DNM3: variants seen among roughly 807,000 people sequenced by gnomAD.
DNM3 encodes the protein dynamin 3.
Under a neutral mutation model 101.6 loss-of-function variants are expected in DNM3, and 47 were observed. That is an observed-to-expected ratio of 0.46 (90% CI 0.37 to 0.59). The LOEUF is 0.59. DNM3 is among the 20% of genes least tolerant of loss of function. The probability of loss-of-function intolerance (pLI) is 0.00; values close to 1 mark genes in which losing one functional copy is unlikely to be tolerated. For synonymous variants in DNM3, 385 were observed against 387.9 expected (o/e 0.99, Z 0.09); for missense variants, 849 against 1,085.7 (o/e 0.78, Z 3.06).
At chr1:172,384,888 G>A (rs1336502053) in intron 18 of DNM3, among the ~76,000 whole-genome samples, 2 of 152,190 alleles carry the variant, frequency 1.3e-5, no homozygotes, top group East Asian at 3.9e-4. Context: ...ACCCAACAGT[G>A]GGAGATTTGT....
At chr1:171,878,994 T>A (rs2036024775) in intron 1 of DNM3, among the ~76,000 whole-genome samples, 1 of 152,228 alleles carries the variant, frequency 6.6e-6, no homozygotes, top group Non-Finnish European at 1.5e-5. Flanking sequence ...GAGTCCCCTA[T>A]GTTTTCTGTC....
At position 171,959,311 on chromosome 1, in the gene DNM3, T is replaced by C. The variant is rs185017102; in HGVS notation, c.236-28345T>C. Among the ~76,000 whole-genome samples, 625 of 152,188 alleles carry C rather than the reference T, an allele frequency of 4.1e-3. 5 individuals are homozygous for C. Among genetic ancestry groups the C allele is most frequent in the Non-Finnish European group, 5.7e-3 (390 of 68,010 alleles). ...GTAGTATTTTGTATTATTTGATATA[T>C]TAAAAAGATAATAAGGGAAAAACAG... On this transcript the variant is annotated intron_variant, in intron 2 of 20. Coordinates refer to ENST00000627582, the MANE Select transcript of DNM3 (RefSeq NM_015569.5).
chr1:172,199,032 G>C (rs2060056571), intron 14 of DNM3, among the ~76,000 whole-genome samples: 1 of 151,850 alleles, frequency 6.6e-6, no homozygotes, highest in Admixed American at 6.6e-5. Flanking sequence ...CCAACTTTTT[G>C]ATGTAGGCAT....
At chr1:172,222,718 C>T (rs892746772) in intron 14 of DNM3, among the ~76,000 whole-genome samples, 12 of 151,896 alleles carry the variant, frequency 7.9e-5, no homozygotes, top group Admixed American at 6.6e-4. Flanking sequence ...TTGACAATGG[C>T]GCCAAAGAAC....
rs563263844 is a variant in DNM3 at position 171,922,709 on chromosome 1, C to T, written c.235+888C>T. 2.0e-5 allele frequency among the ~76,000 whole-genome samples: 3 copies of T among 152,270 alleles called. No homozygotes were observed. In the South Asian group the frequency reaches 6.2e-4, roughly 32 times the overall value. ...GTCACCTCTTTTCATAACACCTTTC[C>T]CCACCACTCCAGCCTAGGCACTACT... On this transcript the variant is annotated intron_variant, in intron 2 of 20. Coordinates refer to ENST00000627582, the MANE Select transcript of DNM3 (RefSeq NM_015569.5).
chr1:172,250,461 A>G (rs760745622), intron 14 of DNM3, among the ~76,000 whole-genome samples: 1 of 152,154 alleles, frequency 6.6e-6, no homozygotes, highest in Non-Finnish European at 1.5e-5. Flanking sequence ...ATGGAAAGCT[A>G]TTGAAAGTTC....
chr1:171,877,550 T>A (rs925865706), intron 1 of DNM3, among the ~76,000 whole-genome samples: 42 of 152,212 alleles, frequency 2.8e-4, no homozygotes, highest in Admixed American at 5.2e-4. Flanking sequence ...CCATCCTCAA[T>A]GGAGGTGCTA....
intron 14 of DNM3, among the ~76,000 whole-genome samples, chr1:172,197,930 G>A (rs2060013225): frequency 1.3e-5 from 2 of 152,020 alleles, no homozygotes; most frequent in South Asian, 4.1e-4. Flanking sequence ...CTCTGGCTAG[G>A]ACTTCCAATA....
chr1:172,038,263 T>C, intron 6 of DNM3, 56 bp from the exon 7 acceptor site: 1 of 1,592,562 alleles, frequency 6.3e-7, no homozygotes, highest in Non-Finnish European at 8.5e-7. Flanking sequence ...AGTTAATCTT[T>C]AATCTGTGTA....
intron 14 of DNM3, among the ~76,000 whole-genome samples, chr1:172,229,202 A>G (rs997563826): frequency 2.6e-5 from 4 of 152,176 alleles, no homozygotes; most frequent in African/African-American, 9.6e-5. Context: ...AATTCAGTCA[A>G]CCAACCATTA....
At position 172,228,590 on chromosome 1, in the gene DNM3, T is replaced by C. The variant is rs987301602; in HGVS notation, c.1660-24983T>C. Among the ~76,000 whole-genome samples the C allele has an allele frequency of 2.0e-5, 3 of 152,260 alleles. No individual in the cohort carries two copies. The East Asian group carries it at 5.8e-4, about 29-fold the overall frequency. The stretch of plus-strand genomic sequence containing the variant: ...GCAACTGCCTGTTCTTCAAATGAAA[T>C]TTACAATCATTTTGTCAAGTTACCT... On this transcript the variant is annotated intron_variant, in intron 14 of 20. Coordinates refer to ENST00000627582, the MANE Select transcript of DNM3 (RefSeq NM_015569.5).
At chr1:172,119,346 A>G (rs1362885393) in intron 13 of DNM3, among the ~76,000 whole-genome samples, 1 of 151,958 alleles carries the variant, frequency 6.6e-6, no homozygotes, top group African/African-American at 2.4e-5. Context: ...CCAGTGAAAA[A>G]AATTTTACGT....
intron 13 of DNM3, among the ~76,000 whole-genome samples, chr1:172,105,083 T>G (rs1216733395): frequency 1.3e-5 from 2 of 152,260 alleles, no homozygotes; most frequent in Non-Finnish European, 2.9e-5. Flanking sequence ...TGGGCTATTA[T>G]TATTTTATTC....
intron 1 of DNM3, among the ~76,000 whole-genome samples, chr1:171,908,975 C>CT (rs2039060901): frequency 6.6e-6 from 1 of 152,136 alleles, no homozygotes. Context: ...TTTTCTTCCT[C>CT]CCTCCCTTTT....
chr1:172,302,774 T>C (rs1486842186), intron 15 of DNM3, among the ~76,000 whole-genome samples: 1 of 152,102 alleles, frequency 6.6e-6, no homozygotes, highest in Non-Finnish European at 1.5e-5. Flanking sequence ...CCAACAGACC[T>C]GCACCTGAGG....
At chr1:172,169,944 A>G (rs1157854751) in intron 14 of DNM3, among the ~76,000 whole-genome samples, 1 of 151,908 alleles carries the variant, frequency 6.6e-6, no homozygotes, top group Non-Finnish European at 1.5e-5. Flanking sequence ...TAACAGCATA[A>G]TGTTGGGTTT....
In DNM3 at chr1:172,408,997, A is replaced by G; in HGVS notation, c.*1156A>G. On this transcript the variant is annotated 3_prime_UTR_variant, in exon 21 of 21. Transcript: ENST00000627582. ...AAGTCCCTATCCAGGTCACTCCAGA[A>G]AAGGGTATTGAAACGTTGAAATCTA... The G allele has an allele frequency of 3.0e-6, 3 of 985,398 alleles. No individual in the cohort carries two copies. The highest frequency in any genetic ancestry group is 3.6e-6 in the Non-Finnish European group (3 of 829,888). The allele number at this position is 985,398 out of a possible 1,614,324, so 61.0% of individuals were successfully genotyped here. A position where few individuals can be genotyped will look rare whatever the true frequency, so the allele number is the denominator to read the frequency against.
intron 17 of DNM3, among the ~76,000 whole-genome samples, chr1:172,366,245 A>G (rs1337872599): frequency 1.3e-5 from 2 of 151,954 alleles, no homozygotes. Flanking sequence ...TAAAAAATGA[A>G]TAAATAAACA....
Position 172,032,575 on chromosome 1 carries a change from A to G in DNM3, c.688+75A>G, listed in dbSNP as rs1188260998. On this transcript the variant is annotated intron_variant, in intron 5 of 20. Transcript: ENST00000627582. ...TTTTTTGTTATATGGAAGAGAAATG[A>G]TTGGGAAGCCACTAGGAGGTTTGGT... 4.5e-6 allele frequency: 4 copies of G among 886,954 alleles called. No homozygotes were observed. The African/African-American group carries it at 5.7e-5, about 13-fold the overall frequency. The allele number at this position is 886,954 out of a possible 1,614,324, so 54.9% of individuals were successfully genotyped here.
Sources: gnomAD v4.1 joint callset for allele counts (sites outside exome capture counted in the v4.1 genomes callset) on GRCh38, gnomAD v4.1.1 for gene constraint, MANE v1.5 for transcripts, NCBI Gene and HGNC (gene_info 2026-07-23, HGNC 2026-07-21) for gene names.